Variants in PLEKHS1 observed in about 807,000 individuals in gnomAD.
The protein encoded by PLEKHS1 is pleckstrin homology domain containing S1, also known as pleckstrin homology domain-containing family S member 1.
A neutral mutation model predicts 51.0 loss-of-function variants in PLEKHS1; 55 were observed. That is an observed-to-expected ratio of 1.08 (90% CI 0.87 to 1.35). The LOEUF is 1.35. Among genes scored for constraint, PLEKHS1 ranks in the 40% most tolerant of loss-of-function variants. The probability of loss-of-function intolerance (pLI) is 0.00; values close to 1 mark genes in which losing one functional copy is unlikely to be tolerated. For missense variants in PLEKHS1, 398 were observed against 423.0 expected (o/e 0.94, Z 0.52); for synonymous variants, 153 against 144.8 (o/e 1.06, Z -0.41).
chr10:113,775,375 G>A (rs1291093662), intron 10 of PLEKHS1, among the ~76,000 whole-genome samples: 3 of 152,150 alleles, frequency 2.0e-5, no homozygotes, highest in Admixed American at 2.0e-4. Flanking sequence ...CATGCAAGTT[G>A]CATGAGACTT....
At chr10:113,752,525 A>G (rs1234792646) in intron 1 of PLEKHS1, among the ~76,000 whole-genome samples, 1 of 152,236 alleles carries the variant, frequency 6.6e-6, no homozygotes, top group Non-Finnish European at 1.5e-5. Flanking sequence ...GTGCTCATCA[A>G]CAGGGTATCT....
At chr10:113,766,686 C>A in exon 4 of PLEKHS1, 1 of 1,611,702 alleles carries the variant, frequency 6.2e-7, no homozygotes, top group Non-Finnish European at 8.5e-7. Context: ...ATTATAAAGA[C>A]CATCATCACC....
chr10:113,762,555 G>A (rs994045492), intron 2 of PLEKHS1, among the ~76,000 whole-genome samples: 10 of 151,072 alleles, frequency 6.6e-5, no homozygotes, highest in Admixed American at 5.3e-4. Flanking sequence ...TTTTCATCCA[G>A]TTCAAAAAAC....
chr10:113,771,401 T>C (rs1390191613), intron 7 of PLEKHS1: 3 of 152,368 alleles, frequency 2.0e-5, no homozygotes, highest in African/African-American at 7.2e-5. Flanking sequence ...GGGCTGGTCA[T>C]GGTGGCTCAT....
At chr10:113,771,777 A>G (rs908596144) in intron 7 of PLEKHS1, among the ~76,000 whole-genome samples, 193 bp from the exon 8 acceptor site, 11 of 151,844 alleles carry the variant, frequency 7.2e-5, no homozygotes, top group Admixed American at 7.2e-4. Context: ...TGATGTGCTT[A>G]TATGTTTTCA....
chr10:113,771,910 T>C (rs1478555328), intron 7 of PLEKHS1, 60 bp from the exon 8 acceptor site: 11 of 1,551,976 alleles, frequency 7.1e-6, no homozygotes, highest in African/African-American at 1.4e-5. Flanking sequence ...CTAGAATGCA[T>C]GTGATTTAAT....
At chr10:113,757,008 C>G (rs914486040) in intron 2 of PLEKHS1, among the ~76,000 whole-genome samples, 1 of 151,338 alleles carries the variant, frequency 6.6e-6, no homozygotes, top group Non-Finnish European at 1.5e-5. Flanking sequence ...CCTCTGCCTC[C>G]CGGGTTCAAG....
intron 2 of PLEKHS1, chr10:113,765,390 G>T (rs755957665): frequency 5.1e-6 from 4 of 779,294 alleles, no homozygotes; most frequent in Middle Eastern, 2.2e-4. Flanking sequence ...TATGGCTGGA[G>T]GTAACAAGCA....
chr10:113,774,434 A>G (rs1844557169), intron 9 of PLEKHS1, 101 bp downstream of exon 9: 1 of 709,262 alleles, frequency 1.4e-6, no homozygotes, highest in Non-Finnish European at 2.3e-6. Context: ...GATGCCAAAC[A>G]TTACCAGAGA....
intron 11 of PLEKHS1, among the ~76,000 whole-genome samples, chr10:113,779,269 TC>T (rs1844795407): frequency 6.6e-6 from 1 of 151,962 alleles, no homozygotes; most frequent in East Asian, 1.9e-4. Context: ...GTACATTTTC[TC>T]TGCCAAAGAT....
exon 12 of PLEKHS1, chr10:113,780,878 C>A (rs898893500): frequency 1.7e-5 from 19 of 1,150,100 alleles, no homozygotes; most frequent in Non-Finnish European, 1.8e-5. Flanking sequence ...GTCGGCACCC[C>A]CCTCTGAATT....
intron 5 of PLEKHS1, among the ~76,000 whole-genome samples, chr10:113,768,236 G>T (rs1303098056): frequency 6.6e-6 from 1 of 152,164 alleles, no homozygotes; most frequent in Non-Finnish European, 1.5e-5. Context: ...CCTAGCAAAG[G>T]TGCCTAGTGG....
chr10:113,774,845 C>T, exon 10 of PLEKHS1: 10 of 1,613,906 alleles, frequency 6.2e-6, no homozygotes, highest in Non-Finnish European at 8.5e-6. Flanking sequence ...AGAGACATCC[C>T]ATGAGTCTGT....
At chr10:113,777,249 TC>T in intron 11 of PLEKHS1, 2 of 1,612,738 alleles carry the variant, frequency 1.2e-6, no homozygotes, top group Non-Finnish European at 8.5e-7. Flanking sequence ...ACCCGGTCCA[TC>T]CAGAAGGAGG....
intron 2 of PLEKHS1, chr10:113,764,758 GCTCTTT>G (rs1844086964): frequency 6.6e-6 from 1 of 152,208 alleles, no homozygotes; most frequent in South Asian, 2.1e-4. Flanking sequence ...GTGTACTGGT[GCTCTTT>G]CTGAGTTTTA....
intron 1 of PLEKHS1, among the ~76,000 whole-genome samples, chr10:113,753,702 G>C (rs1312399398): frequency 2.6e-5 from 4 of 152,120 alleles, no homozygotes; most frequent in African/African-American, 9.7e-5. Context: ...CATCCCACTG[G>C]TCTTCAAAGA....
chr10:113,773,063 G>A (rs144687307), intron 8 of PLEKHS1, among the ~76,000 whole-genome samples: 9 of 152,304 alleles, frequency 5.9e-5, no homozygotes, highest in African/African-American at 1.9e-4. Flanking sequence ...GGGGTTTTCC[G>A]TAAGATGGTG....
At chr10:113,777,320 G>A (rs1844718480) in intron 11 of PLEKHS1, 61 bp downstream of exon 12, 2 of 1,608,074 alleles carry the variant, frequency 1.2e-6, no homozygotes, top group Non-Finnish European at 1.7e-6. Flanking sequence ...AAAGATCAGG[G>A]TCTTAGATGG....
chr10:113,771,986 GTT>G lies in PLEKHS1; in HGVS notation c.570_571del (p.Pro192ArgfsTer3), dbSNP rs1478791211. On this transcript the variant is annotated frameshift_variant, in exon 8 of 12. Coordinates refer to ENST00000361048, the Ensembl canonical transcript of PLEKHS1. LOFTEE classifies it high-confidence loss of function. ...TTTCTTCAGCATTTAATGGAACAAA[GTT>G]CTCCAGGATTTAGGCAAACTCACCT... The G allele has an allele frequency of 6.2e-7, 1 of 1,612,206 alleles. No individual in the cohort carries two copies. Among genetic ancestry groups the G allele is most frequent in the Admixed American group, 1.7e-5 (1 of 59,412 alleles).
Sources: allele counts gnomAD v4.1 joint callset (sites outside exome capture counted in the v4.1 genomes callset), GRCh38; gene constraint gnomAD v4.1.1; transcripts MANE v1.5; gene names NCBI Gene and HGNC (gene_info 2026-07-23, HGNC 2026-07-21).